The following KIF2A variants were observed in gnomAD, a reference collection of about 807,000 sequenced individuals.
KIF2A encodes the protein kinesin family member 2A.
In KIF2A, 22 loss-of-function variants were observed where a neutral mutation model predicts 100.2. The ratio of observed to expected loss-of-function variants is 0.22; its 90% CI spans 0.16 to 0.31. The LOEUF (loss-of-function observed/expected upper bound fraction) is 0.31. Among genes scored for constraint, KIF2A ranks in the 10% least tolerant of loss-of-function variants. KIF2A has a pLI of 1.00. For missense variants in KIF2A, 495 were observed against 898.7 expected (o/e 0.55, Z 5.74); for synonymous variants, 268 against 285.9 (o/e 0.94, Z 0.63).
chr5:62,387,330 T>TAAA lies in KIF2A; in HGVS notation c.*1767_*1769dup, dbSNP rs1229502659. 3 of 152,042 alleles carry TAAA rather than the reference T, an allele frequency of 2.0e-5. No individual in the cohort carries two copies. In the East Asian group the frequency reaches 5.8e-4, roughly 29 times the overall value. The allele number at this position is 152,042 out of a possible 1,614,324, so 9.4% of individuals were successfully genotyped here. ...TACAATTGACCTTGCAAAGGATATT[T>TAAA]AAAAAAAAGGTAGTTTTTGAGATTA... On this transcript the variant is annotated 3_prime_UTR_variant, in exon 21 of 21. Transcript: ENST00000407818.
At chr5:62,341,244 TG>T (rs1461096364) in intron 1 of KIF2A, among the ~76,000 whole-genome samples, 1 of 152,108 alleles carries the variant, frequency 6.6e-6, no homozygotes, top group Non-Finnish European at 1.5e-5. Flanking sequence ...TGTACACTGG[TG>T]GTTGAGGTCA....
At chr5:62,368,927 T>G (rs1254668766) in intron 16 of KIF2A, among the ~76,000 whole-genome samples, 1 of 152,228 alleles carries the variant, frequency 6.6e-6, no homozygotes, top group Non-Finnish European at 1.5e-5. Flanking sequence ...GTTTTTGATA[T>G]GTGGGATTTT....
rs1745971353 is a variant in KIF2A, at chr5:62,319,042, C to T, written c.64+12506C>T. Among the ~76,000 whole-genome samples the T allele has an allele frequency of 3.9e-5, 6 of 152,226 alleles. No homozygotes were observed. The South Asian group carries it at 1.2e-3, about 32-fold the overall frequency. On this transcript the variant is annotated intron_variant, in intron 1 of 20. Coordinates refer to ENST00000407818, the MANE Select transcript of KIF2A (RefSeq NM_001098511.3). ...TCTTAATTTAATGACTCAAGTAACT[C>T]TTCCTGCACTTTTTCTGTACCTACC...
rs1468302033 is a variant in KIF2A at position 62,368,979 on chromosome 5, GA to G, written c.1646+2499del. On this transcript the variant is annotated intron_variant, in intron 16 of 20. Transcript: ENST00000407818. ...TGTTTCTTATTTCAGAATAATTCTT[GA>G]GAAAGATGAGGAACAGCCTAGTGTA... Among the ~76,000 whole-genome samples, 3 of 152,202 alleles carry G rather than the reference GA, an allele frequency of 2.0e-5. No homozygotes were observed. In the East Asian group the frequency reaches 5.8e-4, roughly 29 times the overall value.
At chr5:62,334,669 TC>T (rs1746842552) in intron 1 of KIF2A, among the ~76,000 whole-genome samples, 1 of 151,908 alleles carries the variant, frequency 6.6e-6, no homozygotes, top group Non-Finnish European at 1.5e-5. Context: ...TGCTCACAGG[TC>T]CAGCCGATGC....
chr5:62,355,977 C>T (rs1381956731), intron 7 of KIF2A, among the ~76,000 whole-genome samples: 1 of 151,822 alleles, frequency 6.6e-6, no homozygotes, highest in East Asian at 1.9e-4. Flanking sequence ...AAACGGGGTT[C>T]ACCTTTTTGG....
At chr5:62,378,739 G>A (rs1169436491) in intron 19 of KIF2A, among the ~76,000 whole-genome samples, 1 of 151,598 alleles carries the variant, frequency 6.6e-6, no homozygotes, top group African/African-American at 2.4e-5. Flanking sequence ...GCAACATGGT[G>A]AAACCCTGTC....
At chr5:62,383,291 G>T (rs1343545089) in intron 20 of KIF2A, among the ~76,000 whole-genome samples, 2 of 131,268 alleles carry the variant, frequency 1.5e-5, no homozygotes, top group African/African-American at 6.0e-5. Context: ...CACGCAGGCT[G>T]GAGTGCAGTG....
chr5:62,364,426 G>A (rs1031844123), intron 14 of KIF2A, among the ~76,000 whole-genome samples: 2 of 152,278 alleles, frequency 1.3e-5, no homozygotes, highest in East Asian at 3.9e-4. Context: ...GATTACAGGC[G>A]TGAGCCACCG....
At chr5:62,316,566 A>T (rs532109092) in intron 1 of KIF2A, among the ~76,000 whole-genome samples, 1 of 152,200 alleles carries the variant, frequency 6.6e-6, no homozygotes. Context: ...ATTCTGTATG[A>T]TACTATAAAG....
intron 1 of KIF2A, among the ~76,000 whole-genome samples, chr5:62,345,404 G>C (rs568110716): frequency 3.2e-4 from 49 of 151,118 alleles, no homozygotes; most frequent in Admixed American, 2.9e-3. Context: ...AAAAAGAGCT[G>C]GGCATGGTGG....
At chr5:62,347,260 G>A (rs769102780) in intron 2 of KIF2A, 36 bp downstream of exon 2, 1 of 1,080,138 alleles carries the variant, frequency 9.3e-7, no homozygotes, top group Non-Finnish European at 1.4e-6. Flanking sequence ...TCCTAGTCCT[G>A]CAATCAAGAT....
intron 14 of KIF2A, 23 bp from the exon 15 acceptor site, chr5:62,365,220 A>C (rs1236650414): frequency 8.2e-7 from 1 of 1,214,738 alleles, no homozygotes. Context: ...CTAATCTGTG[A>C]GACTTGTTTT....
intron 1 of KIF2A, among the ~76,000 whole-genome samples, chr5:62,334,023 C>T (rs114062455): frequency 0.025 from 3,839 of 152,212 alleles, 145 homozygotes; most frequent in African/African-American, 0.085. Flanking sequence ...GACCCCGGTC[C>T]TAATGAAGTC....
chr5:62,325,793 A>G (rs1339779570), intron 1 of KIF2A, among the ~76,000 whole-genome samples: 10 of 152,228 alleles, frequency 6.6e-5, no homozygotes, highest in Admixed American at 1.3e-4. Flanking sequence ...GGGTATGTAC[A>G]CAATGGAAAA....
At chr5:62,342,685 A>C (rs1747355213) in intron 1 of KIF2A, among the ~76,000 whole-genome samples, 1 of 151,984 alleles carries the variant, frequency 6.6e-6, no homozygotes, top group Admixed American at 6.6e-5. Context: ...CCTGCTTCAC[A>C]GCCACTTCCT....
rs1364380594 is a variant in KIF2A, at chr5:62,390,105, T to G, written c.*4536T>G. Among the ~76,000 whole-genome samples, 1 of 152,208 alleles carries G rather than the reference T, an allele frequency of 6.6e-6. No individual in the cohort carries two copies. The highest frequency in any genetic ancestry group is 2.4e-5 in the African/African-American group (1 of 41,452). On this transcript the variant is annotated 3_prime_UTR_variant, in exon 21 of 21. Coordinates refer to ENST00000407818, the MANE Select transcript of KIF2A (RefSeq NM_001098511.3). ...TTAGAAAAAGTCAAACCAATGACTT[T>G]TAGAACAATCTACTCTCATTTTTTA... is the stretch of plus-strand genomic sequence containing the variant.
At chr5:62,339,698 G>A (rs1341456352) in intron 1 of KIF2A, among the ~76,000 whole-genome samples, 1 of 150,090 alleles carries the variant, frequency 6.7e-6, no homozygotes, top group Admixed American at 6.7e-5. Context: ...ATACTATATT[G>A]TAGTGAAAAT....
intron 1 of KIF2A, among the ~76,000 whole-genome samples, chr5:62,344,574 G>A (rs1252880419): frequency 1.3e-5 from 2 of 152,012 alleles, no homozygotes; most frequent in Non-Finnish European, 2.9e-5. Context: ...TACAAAGGGC[G>A]GTTCAGGAAT....
Sources: allele counts gnomAD v4.1 joint callset (sites outside exome capture counted in the v4.1 genomes callset), GRCh38; gene constraint gnomAD v4.1.1; transcripts MANE v1.5; gene names NCBI Gene and HGNC (gene_info 2026-07-23, HGNC 2026-07-21).